NOSTRIN: variants seen among roughly 807,000 people sequenced by gnomAD.
NOSTRIN encodes BM247 homolog.
A neutral mutation model predicts 59.0 loss-of-function variants in NOSTRIN; 63 were observed. That is an observed-to-expected ratio of 1.07 (90% CI 0.87 to 1.32). The LOEUF (loss-of-function observed/expected upper bound fraction) is 1.32. Among genes scored for constraint, NOSTRIN ranks in the 40% most tolerant of loss-of-function variants. The pLI is 0.00. For synonymous variants in NOSTRIN, 200 were observed against 165.4 expected, an observed-to-expected ratio of 1.21 and a Z score of -1.61; for missense variants, 512 against 473.1, an observed-to-expected ratio of 1.08 and a Z score of -0.76.
chr2:168,844,727 G>A (rs774716052), intron 8 of NOSTRIN, among the ~76,000 whole-genome samples: 24 of 152,222 alleles, frequency 1.6e-4, no homozygotes, highest in Admixed American at 2.6e-4. Flanking sequence ...AAAATTAGCC[G>A]CGCGTGGTGG....
intron 10 of NOSTRIN, among the ~76,000 whole-genome samples, chr2:168,854,415 C>T (rs1688954988): frequency 6.6e-6 from 1 of 152,106 alleles, no homozygotes; most frequent in Non-Finnish European, 1.5e-5. Context: ...GGGTTTCTGT[C>T]CCTCTGCCAC....
rs762968427 is a variant in NOSTRIN at position 168,851,126 on chromosome 2, A to G, written c.673A>G (p.Asn225Asp). ...GAAGGAAAGAATTCAACTTTTATGC[A>G]ATAACTTAAACCAGTACAGCCAACA... Reference protein sequence around the residue: ...LEKERIQLLCNNLNQYSQHIS... With the variant: ...LEKERIQLLCDNLNQYSQHIS... Residue 225 changes from asparagine (N) to aspartate (D), a missense_variant, in exon 9 of 16, where the codon AAT (asparagine) becomes GAT (aspartate). Physicochemically the swap from Asn to Asp is conservative, Grantham distance 23. Transcript: ENST00000317647. The G allele has an allele frequency of 3.1e-6, 5 of 1,596,734 alleles. No individual in the cohort carries two copies. In the East Asian group the frequency reaches 1.1e-4, roughly 36 times the overall value.
rs1687366990 is a variant in NOSTRIN at position 168,831,598 on chromosome 2, T to C, written c.405+64T>C. 13 of 798,418 alleles carry C rather than the reference T, an allele frequency of 1.6e-5. No individual in the cohort carries two copies. In the South Asian group the frequency reaches 1.8e-4, roughly 11 times the overall value. The allele number at this position is 798,418 out of a possible 1,614,324, so 49.5% of individuals were successfully genotyped here. A position where few individuals can be genotyped will look rare whatever the true frequency, so the allele number is the denominator to read the frequency against. Reference sequence around the variant, plus strand: ...TTAGAATTGAAGTGTTTTGCTTTCATACAAATGCGATGACATGTTCTAGCA... The same window carrying C: ...TTAGAATTGAAGTGTTTTGCTTTCACACAAATGCGATGACATGTTCTAGCA... On this transcript the variant is annotated intron_variant, in intron 6 of 15. Coordinates refer to ENST00000317647, the MANE Select transcript of NOSTRIN (RefSeq NM_001039724.4).
chr2:168,791,495 G>C (rs1329250003), intron 2 of NOSTRIN, among the ~76,000 whole-genome samples: 4 of 152,100 alleles, frequency 2.6e-5, no homozygotes, highest in Admixed American at 2.0e-4. Context: ...ATAATCCTTT[G>C]GGTATATACC....
upstream of NOSTRIN, among the ~76,000 whole-genome samples, chr2:168,800,913 A>AAAAG (rs1685593988): frequency 6.7e-6 from 1 of 149,722 alleles, no homozygotes; most frequent in East Asian, 2.0e-4. Context: ...TTTCTTTTAA[A>AAAAG]AAAAAAACAA....
chr2:168,817,458 T>C (rs901986601), intron 2 of NOSTRIN, among the ~76,000 whole-genome samples: 1 of 152,230 alleles, frequency 6.6e-6, no homozygotes, highest in Non-Finnish European at 1.5e-5. Flanking sequence ...TTCTCCCTTT[T>C]AATCAGATCA....
At chr2:168,818,225 C>T in intron 2 of NOSTRIN, 1 of 434,502 alleles carries the variant, frequency 2.3e-6, no homozygotes, top group Non-Finnish European at 4.7e-6. Flanking sequence ...GCAATTATAG[C>T]TTGCTGCAGC....
intron 7 of NOSTRIN, among the ~76,000 whole-genome samples, chr2:168,841,235 C>CAAAAAAAAAAAAAA (rs57480764): frequency 3.9e-4 from 42 of 106,580 alleles, no homozygotes; most frequent in African/African-American, 1.4e-3. Context: ...ACCCTGTCTC[C>CAAAAAAAAAAAAAA]AAAAAAAAAA....
intron 12 of NOSTRIN, among the ~76,000 whole-genome samples, chr2:168,858,082 G>A (rs1689230634): frequency 6.6e-6 from 1 of 152,336 alleles, no homozygotes; most frequent in Non-Finnish European, 1.5e-5. Context: ...CGCACAAGCT[G>A]TTTAGTTAAC....
Position 168,831,635 on chromosome 2 carries a change from A to G in NOSTRIN, c.405+101A>G, listed in dbSNP as rs1574292099. Reference sequence around the variant, plus strand: ...GACATGTTCTAGCATTAGTACTTCTAAGTGCTAACTGAAGAGAAAAATGTT... The same window carrying G: ...GACATGTTCTAGCATTAGTACTTCTGAGTGCTAACTGAAGAGAAAAATGTT... On this transcript the variant is annotated intron_variant, in intron 6 of 15. Transcript: ENST00000317647. 14 of 715,584 alleles carry G rather than the reference A, an allele frequency of 2.0e-5. No individual in the cohort carries two copies. In the East Asian group the frequency reaches 3.5e-4, roughly 18 times the overall value. 44.3% of individuals were successfully genotyped at this position (715,584 alleles called of 1,614,324 possible). A position where few individuals can be genotyped will look rare whatever the true frequency, so the allele number is the denominator to read the frequency against.
intron 8 of NOSTRIN, among the ~76,000 whole-genome samples, chr2:168,844,896 C>CCTGGA (rs1688322237): frequency 6.6e-6 from 1 of 150,562 alleles, no homozygotes; most frequent in African/African-American, 2.4e-5. Context: ...AAAGATTCAG[C>CCTGGA]CTGGACCTCT....
chr2:168,864,369 C>T (rs1193393730), intron 15 of NOSTRIN, among the ~76,000 whole-genome samples: 1 of 151,486 alleles, frequency 6.6e-6, no homozygotes, highest in Non-Finnish European at 1.5e-5. Flanking sequence ...TCACTGCAAC[C>T]TCTGCCTCCC....
At chr2:168,820,996 C>T (rs1372146365) in intron 2 of NOSTRIN, among the ~76,000 whole-genome samples, 3 of 152,168 alleles carry the variant, frequency 2.0e-5, no homozygotes, top group Non-Finnish European at 4.4e-5. Context: ...CTGGAGCCAA[C>T]GGACAAGAAA....
chr2:168,845,256 C>G (rs1369065332), intron 8 of NOSTRIN, among the ~76,000 whole-genome samples: 1 of 152,214 alleles, frequency 6.6e-6, no homozygotes, highest in African/African-American at 2.4e-5. Flanking sequence ...TGCCTCACCT[C>G]ACCTCATCAC....
rs147835607 is a variant in NOSTRIN, at chr2:168,822,971, C to G, written c.114-1663C>G. On this transcript the variant is annotated intron_variant, in intron 2 of 15. Coordinates refer to ENST00000317647, the MANE Select transcript of NOSTRIN (RefSeq NM_001039724.4). ...CTGATTAGTGCTAATATCCCGAGAT[C>G]AGTAGGACAGTTTTCTGTTCCTTAC... Among the ~76,000 whole-genome samples, 1,447 of 152,274 alleles carry G rather than the reference C, an allele frequency of 9.5e-3. 22 individuals are homozygous for G. The highest frequency in any genetic ancestry group is 0.033 in the African/African-American group (1,355 of 41,560).
At chr2:168,842,311 T>C (rs1234032851) in intron 7 of NOSTRIN, among the ~76,000 whole-genome samples, 1 of 152,144 alleles carries the variant, frequency 6.6e-6, no homozygotes, top group Non-Finnish European at 1.5e-5. Context: ...TTTTGTGGTA[T>C]TGTTTTCTGA....
chr2:168,855,898 T>C (rs1689072688), intron 11 of NOSTRIN: 1 of 453,962 alleles, frequency 2.2e-6, no homozygotes, highest in South Asian at 1.6e-5. Flanking sequence ...GTTAGGCATG[T>C]CAGACTGTGA....
intron 1 of NOSTRIN, among the ~76,000 whole-genome samples, chr2:168,810,715 C>T (rs1686083972): frequency 6.6e-6 from 1 of 152,182 alleles, no homozygotes; most frequent in African/African-American, 2.4e-5. Flanking sequence ...AAAATGCAGT[C>T]TGCTGTTGCA....
intron 6 of NOSTRIN, among the ~76,000 whole-genome samples, chr2:168,832,494 A>G (rs1008974933): frequency 2.0e-4 from 30 of 152,204 alleles, no homozygotes; most frequent in African/African-American, 7.0e-4. Context: ...AACCTTTACA[A>G]GTAAACAGCC....
Sources: gnomAD v4.1 joint callset for allele counts (sites outside exome capture counted in the v4.1 genomes callset) on GRCh38, gnomAD v4.1.1 for gene constraint, MANE v1.5 for transcripts, NCBI Gene and HGNC (gene_info 2026-07-23, HGNC 2026-07-21) for gene names.